BTBD10: variants seen among roughly 807,000 people sequenced by gnomAD.
BTBD10 encodes BTB domain containing 10.
BTBD10 carries 21 observed loss-of-function variants against 53.2 expected under a neutral mutation model. The ratio of observed to expected loss-of-function variants is 0.39; its 90% confidence interval spans 0.28 to 0.57. The LOEUF (loss-of-function observed/expected upper bound fraction) is 0.57. BTBD10 is among the 20% of genes least tolerant of loss of function. The pLI, the probability that BTBD10 is intolerant of heterozygous loss-of-function variation, is 0.53. For synonymous variants in BTBD10, 149 were observed against 192.7 expected, an observed-to-expected ratio of 0.77 and a Z score of 1.88; for missense variants, 360 against 594.7, an observed-to-expected ratio of 0.61 and a Z score of 4.10.
At chr11:13,403,085 A>G in intron 8 of BTBD10, 83 bp downstream of exon 8, 1 of 867,178 alleles carries the variant, frequency 1.2e-6, no homozygotes, top group Non-Finnish European at 1.8e-6. Context: ...AAGTATTCCA[A>G]CTGTATTCTA....
chr11:13,438,156 T>TA (rs1361621503), intron 2 of BTBD10, among the ~76,000 whole-genome samples: 1 of 152,128 alleles, frequency 6.6e-6, no homozygotes, highest in Non-Finnish European at 1.5e-5. Context: ...TTAAATGTAA[T>TA]ATAAGAAACC....
chr11:13,433,111 T>A (rs1326817692), intron 2 of BTBD10, among the ~76,000 whole-genome samples: 1 of 152,206 alleles, frequency 6.6e-6, no homozygotes, highest in Non-Finnish European at 1.5e-5. Flanking sequence ...CTGCCCTTGT[T>A]ATAATGTTGG....
At position 13,388,649 on chromosome 11, in the gene BTBD10, T is replaced by G; in HGVS notation, c.*182A>C. ...CAACTGGAACTTCAAAATGCTAGAG[T>G]TGTACTCATTTAAAAAAAAACCATT... On this transcript the variant is annotated 3_prime_UTR_variant, in exon 9 of 9. Coordinates refer to ENST00000278174, the MANE Select transcript of BTBD10 (RefSeq NM_032320.7). 3 of 590,798 alleles carry G rather than the reference T, an allele frequency of 5.1e-6. No homozygotes were observed. The East Asian group carries it at 8.5e-5, about 17-fold the overall frequency. 36.6% of individuals were successfully genotyped at this position (590,798 alleles called of 1,614,324 possible). A position where few individuals can be genotyped will look rare whatever the true frequency, so the allele number is the denominator to read the frequency against.
rs142245886 is a variant in BTBD10, at chr11:13,413,806, C to T, written c.688-156G>A. On this transcript the variant is annotated intron_variant, in intron 5 of 8. Coordinates refer to ENST00000278174, the MANE Select transcript of BTBD10 (RefSeq NM_032320.7). ...TAAACTTAGATGAGACCTCCGTTCA[C>T]CTAACTACTTTTTCATTTTACCTAT... Among the ~76,000 whole-genome samples the T allele has an allele frequency of 2.7e-3, 407 of 152,308 alleles. 10 individuals are homozygous for T. Among genetic ancestry groups the T allele is most frequent in the Admixed American group, 0.015 (233 of 15,298 alleles).
intron 5 of BTBD10, among the ~76,000 whole-genome samples, chr11:13,414,843 CG>C (rs1336600046): frequency 2.4e-4 from 5 of 20,718 alleles, no homozygotes; most frequent in East Asian, 6.9e-4. Flanking sequence ...CCATCTCAAA[CG>C]AAAAAAAAAA....
intron 2 of BTBD10, among the ~76,000 whole-genome samples, chr11:13,437,185 G>T (rs1173815683): frequency 6.6e-6 from 1 of 152,090 alleles, no homozygotes; most frequent in African/African-American, 2.4e-5. Context: ...ACAATACTTT[G>T]GTATTCAGCA....
intron 1 of BTBD10, among the ~76,000 whole-genome samples, chr11:13,457,881 C>T (rs1319991720): frequency 6.6e-6 from 1 of 152,048 alleles, no homozygotes; most frequent in Non-Finnish European, 1.5e-5. Flanking sequence ...TCTTCTTTGC[C>T]CTTTGCTAAA....
intron 2 of BTBD10, among the ~76,000 whole-genome samples, chr11:13,436,349 T>A (rs545707141): frequency 6.6e-6 from 1 of 152,310 alleles, no homozygotes; most frequent in Admixed American, 6.5e-5. Context: ...CTAGCCTCCA[T>A]CCACCAGTAT....
intron 5 of BTBD10, among the ~76,000 whole-genome samples, chr11:13,416,353 G>A (rs959342629): frequency 1.3e-5 from 2 of 151,788 alleles, no homozygotes; most frequent in Non-Finnish European, 2.9e-5. Context: ...GACCCTGTCT[G>A]GGGCAAAAAA....
chr11:13,438,538 TCACTTC>T lies in BTBD10; in HGVS notation c.101+6480_101+6485del, dbSNP rs532856320. Among the ~76,000 whole-genome samples the T allele has an allele frequency of 2.6e-3, 401 of 152,126 alleles. 2 individuals are homozygous for T. The highest frequency in any genetic ancestry group is 6.5e-3 in the Admixed American group (99 of 15,276). ...TCCTTTAAAATTATGCAATAGAAGA[TCACTTC>T]ATGACTAAAGGATGTTCATAATTAA... On this transcript the variant is annotated intron_variant, in intron 2 of 8. Transcript: ENST00000278174.
intron 8 of BTBD10, 80 bp downstream of exon 8, chr11:13,403,088 G>A (rs1031044075): frequency 1.1e-6 from 1 of 879,102 alleles, no homozygotes; most frequent in Non-Finnish European, 1.8e-6. Flanking sequence ...TATTCCAACT[G>A]TATTCTAAAT....
rs568311797 is a variant in BTBD10 at position 13,413,554 on chromosome 11, T to C, written c.784A>G (p.Ser262Gly). 3 of 1,609,668 alleles carry C rather than the reference T, an allele frequency of 1.9e-6. No homozygotes were observed. Among genetic ancestry groups the C allele is most frequent in the East Asian group, 2.2e-5 (1 of 44,688 alleles). Residue 262 changes from serine (S) to glycine (G), a missense_variant, in exon 6 of 9, where the codon AGC (serine) becomes GGC (glycine). Ser to Gly is a moderately conservative substitution (Grantham distance 56). Around this residue, in one of 6 missense-constraint regions of BTBD10, gnomAD observed 91 missense variants for 171.7 expected, o/e 0.53. Coordinates refer to ENST00000278174, the MANE Select transcript of BTBD10 (RefSeq NM_032320.7). ...CDYLCISFEY[S>G]TIKCRDLSAL... ...CTGAGATCTCTACATTTAATAGTGC[T>C]ATATTCAAAAGAGATACAAAGATAG... is the stretch of plus-strand genomic sequence containing the variant.
chr11:13,462,282 T>A (rs1040587297), intron 1 of BTBD10, among the ~76,000 whole-genome samples: 2 of 152,172 alleles, frequency 1.3e-5, no homozygotes, highest in African/African-American at 4.8e-5. Flanking sequence ...TCATTTAGAT[T>A]GCTAATTTAA....
At chr11:13,420,526 A>C (rs570632874) in intron 3 of BTBD10, among the ~76,000 whole-genome samples, 5 of 152,286 alleles carry the variant, frequency 3.3e-5, no homozygotes, top group Admixed American at 2.6e-4. Flanking sequence ...AAAAATAAAA[A>C]CCAAGATTTT....
intron 2 of BTBD10, among the ~76,000 whole-genome samples, chr11:13,441,587 G>GT (rs1391634723): frequency 2.6e-5 from 4 of 152,156 alleles, no homozygotes; most frequent in African/African-American, 9.6e-5. Context: ...ACATTAGATA[G>GT]TAACTGTTGC....
At chr11:13,399,361 C>T (rs1272629261) in intron 8 of BTBD10, among the ~76,000 whole-genome samples, 12 of 152,158 alleles carry the variant, frequency 7.9e-5, no homozygotes, top group African/African-American at 1.2e-4. Context: ...CTTGTGCATT[C>T]GTCACGTAGT....
At chr11:13,436,631 C>G (rs1337940229) in intron 2 of BTBD10, among the ~76,000 whole-genome samples, 1 of 152,180 alleles carries the variant, frequency 6.6e-6, no homozygotes, top group African/African-American at 2.4e-5. Context: ...TGGATCTGAA[C>G]CAAGGGGTTC....
chr11:13,396,068 C>G (rs1949543625), intron 8 of BTBD10, among the ~76,000 whole-genome samples: 2 of 152,058 alleles, frequency 1.3e-5, no homozygotes, highest in Non-Finnish European at 2.9e-5. Flanking sequence ...TTTTCCAATT[C>G]TGTGAAGAAA....
At chr11:13,416,373 C>CAA (rs1215630363) in intron 5 of BTBD10, among the ~76,000 whole-genome samples, 1 of 149,356 alleles carries the variant, frequency 6.7e-6, no homozygotes, top group Admixed American at 6.7e-5. Context: ...ACAACAACAA[C>CAA]AACAAAAAAA....
Sources: allele counts gnomAD v4.1 joint callset (sites outside exome capture counted in the v4.1 genomes callset), GRCh38; gene constraint gnomAD v4.1.1; regional missense constraint gnomAD v4.1.1; transcripts MANE v1.5; gene names NCBI Gene and HGNC (gene_info 2026-07-23, HGNC 2026-07-21).